PGPEP1L: variants seen among roughly 807,000 people sequenced by gnomAD.
PGPEP1L encodes pyroglutamyl-peptidase 1-like protein.
A neutral mutation model predicts 6.0 loss-of-function variants in PGPEP1L; 7 were observed. The ratio of observed to expected loss-of-function variants is 1.17; its 90% CI spans 0.66 to 2.19. The LOEUF (loss-of-function observed/expected upper bound fraction) is 2.19. Ranked by LOEUF, PGPEP1L falls within the 30% of genes most tolerant of loss-of-function variation. The pLI, the probability that PGPEP1L is intolerant of heterozygous loss-of-function variation, is 0.00. For missense variants in PGPEP1L, 209 were observed against 192.5 expected, an observed-to-expected ratio of 1.09 and a Z score of -0.51; for synonymous variants, 103 against 83.9, an observed-to-expected ratio of 1.23 and a Z score of -1.24.
At chr15:98,974,843 G>C (rs2017546324) in intron 2 of PGPEP1L, among the ~76,000 whole-genome samples, 1 of 152,162 alleles carries the variant, frequency 6.6e-6, no homozygotes, top group Non-Finnish European at 1.5e-5. Flanking sequence ...GCTGCAGTGA[G>C]CCAAAATCGC....
At chr15:98,980,760 C>T (rs747595225) in intron 2 of PGPEP1L, among the ~76,000 whole-genome samples, 2 of 152,028 alleles carry the variant, frequency 1.3e-5, no homozygotes, top group Admixed American at 1.3e-4. Flanking sequence ...AGTGAAACCC[C>T]GTCGCTACTA....
chr15:98,995,777 C>T (rs941614086), intron 2 of PGPEP1L, among the ~76,000 whole-genome samples: 12 of 152,124 alleles, frequency 7.9e-5, no homozygotes, highest in Admixed American at 1.3e-4. Flanking sequence ...GAATCTATCA[C>T]GCCCAAAAAA....
At chr15:98,982,321 G>A (rs1457119103) in intron 2 of PGPEP1L, among the ~76,000 whole-genome samples, 2 of 151,970 alleles carry the variant, frequency 1.3e-5, no homozygotes, top group Non-Finnish European at 2.9e-5. Context: ...TCTTTGCCAT[G>A]GACTCACACA....
chr15:98,979,849 C>T (rs1467286055), intron 2 of PGPEP1L, among the ~76,000 whole-genome samples: 6 of 152,038 alleles, frequency 3.9e-5, no homozygotes, highest in African/African-American at 1.4e-4. Flanking sequence ...GGGGTTTTAC[C>T]ATATTGACCA....
chr15:98,993,023 T>C (rs1239114089), intron 2 of PGPEP1L, among the ~76,000 whole-genome samples: 4 of 152,086 alleles, frequency 2.6e-5, no homozygotes, highest in African/African-American at 9.7e-5. Flanking sequence ...ACCTAGACAA[T>C]ACCATTCAGG....
rs753800320 is a variant in PGPEP1L, at chr15:98,968,653, T to C, written c.254A>G (p.Lys85Arg). The C allele has an allele frequency of 3.1e-6, 5 of 1,592,108 alleles. No individual in the cohort carries two copies. The African/African-American group carries it at 5.4e-5, about 17-fold the overall frequency. The change falls in exon 5 of 5, where the codon AAG becomes AGG. Residue 85 changes from lysine to arginine, a missense_variant. By Grantham distance (26) the Lys-to-Arg change is conservative. Coordinates refer to ENST00000535714, the MANE Select transcript of PGPEP1L (RefSeq NM_001167902.2). ...YTYYLSLHHG[K>R]GCAALIHVPP... ...GACATGGATGAGTGCCGCGCAGCCCTTTCCATGATGCAGAGACAGGTAATA... is the reference window on the plus strand; with the variant it reads ...GACATGGATGAGTGCCGCGCAGCCCCTTCCATGATGCAGAGACAGGTAATA...
intron 1 of PGPEP1L, among the ~76,000 whole-genome samples, chr15:99,006,814 C>CTT (rs141239801): frequency 6.6e-6 from 1 of 152,016 alleles, no homozygotes; most frequent in Non-Finnish European, 1.5e-5. Context: ...TATTCTTAAA[C>CTT]TTTTTTTTAA....
intron 2 of PGPEP1L, among the ~76,000 whole-genome samples, chr15:98,990,287 GA>G (rs558080200): frequency 4.8e-4 from 70 of 145,752 alleles, no homozygotes; most frequent in African/African-American, 1.1e-3. Context: ...CAAATGGAAA[GA>G]AAAAAAAAAG....
Position 98,968,355 on chromosome 15 carries a change from T to C in PGPEP1L, c.*123A>G. 1.1e-6 allele frequency: 1 copy of C among 941,822 alleles called. No individual in the cohort carries two copies. 58.3% of individuals were successfully genotyped at this position (941,822 alleles called of 1,614,324 possible). A position where few individuals can be genotyped will look rare whatever the true frequency, so the allele number is the denominator to read the frequency against. On this transcript the variant is annotated 3_prime_UTR_variant, in exon 5 of 5. Transcript: ENST00000535714. Reference sequence around the variant, plus strand: ...ATAACCCTTTGTGATTTTGTTGGGCTAATTCAGAGTTTTCCACCCTCTTTG... The same window carrying C: ...ATAACCCTTTGTGATTTTGTTGGGCCAATTCAGAGTTTTCCACCCTCTTTG...
At position 98,968,683 on chromosome 15, in the gene PGPEP1L, T is replaced by C. The variant is rs1054403280; in HGVS notation, c.224A>G (p.Tyr75Cys). 6.4e-6 allele frequency: 10 copies of C among 1,570,348 alleles called. No individual in the cohort carries two copies. The highest frequency in any genetic ancestry group is 5.7e-5 in the Admixed American group (3 of 53,024). Reference sequence around the variant, plus strand: ...ATGATGCAGAGACAGGTAATAGGTATAATCACAGACGTATCTGCAACCACA... The same window carrying C: ...ATGATGCAGAGACAGGTAATAGGTACAATCACAGACGTATCTGCAACCACA... The part of the protein sequence containing the change: ...SRDAGRYVCD[Y>C]TYYLSLHHGK... Residue 75 changes from tyrosine (Y) to cysteine (C), a missense_variant, in exon 5 of 5, where the codon TAT becomes TGT. Transcript: ENST00000535714.
intron 2 of PGPEP1L, among the ~76,000 whole-genome samples, chr15:99,003,450 C>T (rs1248549318): frequency 6.6e-6 from 1 of 151,260 alleles, no homozygotes; most frequent in African/African-American, 2.5e-5. Flanking sequence ...GCAAACGGAG[C>T]TGGAGAAATC....
intron 2 of PGPEP1L, among the ~76,000 whole-genome samples, chr15:98,988,277 G>A (rs1434652340): frequency 6.6e-6 from 1 of 152,086 alleles, no homozygotes; most frequent in African/African-American, 2.4e-5. Context: ...GTCTGAGGTC[G>A]ACCTAGGACC....
intron 2 of PGPEP1L, among the ~76,000 whole-genome samples, chr15:99,000,346 G>A (rs999611274): frequency 1.7e-4 from 26 of 152,180 alleles, no homozygotes; most frequent in African/African-American, 1.2e-4. Context: ...CCTGCTCCAC[G>A]GCGCCCAGTC....
At position 98,972,000 on chromosome 15, in the gene PGPEP1L, A is replaced by AT. The variant is rs778194219; in HGVS notation, c.-141-843dup. On this transcript the variant is annotated intron_variant, in intron 2 of 4. Transcript: ENST00000535714. ...AAAAATAACTTATTATAACTATCCA[A>AT]TTTTTTTATAAGCCTCATGGTAATC... Among the ~76,000 whole-genome samples the AT allele has an allele frequency of 3.1e-4, 47 of 152,250 alleles. No homozygotes were observed. The East Asian group carries it at 5.0e-3, about 16-fold the overall frequency.
intron 2 of PGPEP1L, among the ~76,000 whole-genome samples, chr15:99,002,221 C>G (rs980656227): frequency 5.3e-5 from 8 of 152,074 alleles, no homozygotes; most frequent in African/African-American, 1.9e-4. Context: ...CCCTCGAACT[C>G]CTGGTCTCAG....
intron 2 of PGPEP1L, among the ~76,000 whole-genome samples, chr15:98,988,340 T>C (rs1555471731): frequency 3.3e-5 from 5 of 152,016 alleles, no homozygotes. Context: ...CCTAAGTAGG[T>C]AGTTTTACCC....
intron 2 of PGPEP1L, among the ~76,000 whole-genome samples, chr15:98,990,556 A>T (rs1457012975): frequency 3.3e-5 from 5 of 152,222 alleles, no homozygotes; most frequent in Non-Finnish European, 5.9e-5. Flanking sequence ...CAGATCAATG[A>T]GACAGAAAAT....
At chr15:98,971,654 T>G (rs2151754155) in intron 2 of PGPEP1L, among the ~76,000 whole-genome samples, 1 of 152,310 alleles carries the variant, frequency 6.6e-6, no homozygotes, top group South Asian at 2.1e-4. Flanking sequence ...CTTACAAATC[T>G]AAAGGGTTCA....
intron 1 of PGPEP1L, 121 bp downstream of exon 1, chr15:99,007,238 G>C (rs202111743): frequency 6.7e-6 from 1 of 149,534 alleles, no homozygotes; most frequent in East Asian, 1.9e-4. Context: ...GGATGCAGAG[G>C]ATTTTTGTAC....
Sources: gnomAD v4.1 joint callset for allele counts (sites outside exome capture counted in the v4.1 genomes callset) on GRCh38, gnomAD v4.1.1 for gene constraint, MANE v1.5 for transcripts, NCBI Gene and HGNC (gene_info 2026-07-23, HGNC 2026-07-21) for gene names.